The following COG5 variants were observed in gnomAD, a reference collection of about 807,000 sequenced individuals.
The protein encoded by COG5 is conserved oligomeric Golgi complex subunit 5.
Under a neutral mutation model 110.4 loss-of-function variants are expected in COG5, and 86 were observed. That is an observed-to-expected ratio of 0.78 (90% CI 0.65 to 0.93). The LOEUF (loss-of-function observed/expected upper bound fraction) is 0.93. Among genes scored for constraint, COG5 ranks in the 40% least tolerant of loss-of-function variants. The pLI, the probability that COG5 is intolerant of heterozygous loss-of-function variation, is 0.00. For synonymous variants in COG5, 360 were observed against 334.6 expected, an observed-to-expected ratio of 1.08 and a Z score of -0.83; for missense variants, 1,077 against 987.0, an observed-to-expected ratio of 1.09 and a Z score of -1.22.
chr7:107,491,191 C>G (rs1218505861), intron 6 of COG5, among the ~76,000 whole-genome samples: 1 of 152,116 alleles, frequency 6.6e-6, no homozygotes, highest in African/African-American at 2.4e-5. Context: ...TACCTTCTCT[C>G]TATCCTCTAC....
Position 107,348,485 on chromosome 7 carries a change from T to C in COG5, c.1026+13548A>G, listed in dbSNP as rs557878950. Among the ~76,000 whole-genome samples the C allele has an allele frequency of 6.6e-5, 10 of 152,316 alleles. No homozygotes were observed. In the South Asian group the frequency reaches 1.5e-3, roughly 22 times the overall value. On this transcript the variant is annotated intron_variant, in intron 10 of 21. Coordinates refer to ENST00000297135, the MANE Select transcript of COG5 (RefSeq NM_006348.5). ...AATTTCTTTAAAGGCTACAGGACTGTGGATGGCTTCTAATTCTACTTGAGC... is the reference window on the plus strand; with the variant it reads ...AATTTCTTTAAAGGCTACAGGACTGCGGATGGCTTCTAATTCTACTTGAGC...
intron 19 of COG5, among the ~76,000 whole-genome samples, chr7:107,218,748 TA>T (rs112478006): frequency 0.16 from 24,497 of 151,610 alleles, 2,346 homozygotes; most frequent in Non-Finnish European, 0.22. Context: ...CTTGAAACTG[TA>T]AAAAAAACTA....
intron 19 of COG5, among the ~76,000 whole-genome samples, chr7:107,222,783 A>T (rs1800036513): frequency 6.6e-6 from 1 of 152,238 alleles, no homozygotes; most frequent in Non-Finnish European, 1.5e-5. Flanking sequence ...GATACACCAA[A>T]TGCCACAATA....
chr7:107,490,260 G>A (rs531845884), intron 6 of COG5, among the ~76,000 whole-genome samples: 2 of 152,174 alleles, frequency 1.3e-5, no homozygotes, highest in African/African-American at 2.4e-5. Context: ...AAACCCTTGA[G>A]CTCAAGAGAG....
In COG5 at chr7:107,359,574, G is replaced by A. The variant is rs117576500; in HGVS notation, c.1026+2459C>T. Among the ~76,000 whole-genome samples the A allele has an allele frequency of 8.7e-3, 1,326 of 152,236 alleles. 8 individuals carry two copies. Among genetic ancestry groups the A allele is most frequent in the Non-Finnish European group, 0.015 (1,035 of 68,024 alleles). ...GCCTGGGGGCTGGACTGCCAGTTCT[G>A]CGGACTGGAGTGACAAGTTATGGTG... On this transcript the variant is annotated intron_variant, in intron 10 of 21. Transcript: ENST00000297135.
At chr7:107,239,717 T>A (rs1801466905) in intron 17 of COG5, among the ~76,000 whole-genome samples, 1 of 152,216 alleles carries the variant, frequency 6.6e-6, no homozygotes, top group African/African-American at 2.4e-5. Context: ...CAAGATATTT[T>A]TGATTTCTCC....
intron 6 of COG5, among the ~76,000 whole-genome samples, chr7:107,509,191 G>A (rs1019977159): frequency 6.6e-6 from 1 of 152,138 alleles, no homozygotes; most frequent in African/African-American, 2.4e-5. Flanking sequence ...CCAATGCAGA[G>A]AAGTCCTTAA....
intron 19 of COG5, among the ~76,000 whole-genome samples, chr7:107,213,537 T>C (rs1041060231): frequency 1.3e-5 from 2 of 152,210 alleles, no homozygotes; most frequent in African/African-American, 4.8e-5. Context: ...ATACACTTTG[T>C]GACGCTGCCA....
intron 6 of COG5, among the ~76,000 whole-genome samples, chr7:107,490,794 C>T (rs140900560): frequency 5.9e-5 from 9 of 152,068 alleles, no homozygotes; most frequent in African/African-American, 2.2e-4. Context: ...AAAGCCTATT[C>T]TTTCTTGTCT....
At chr7:107,210,265 T>C (rs1799067388) in intron 21 of COG5, 2 of 1,334,618 alleles carry the variant, frequency 1.5e-6, no homozygotes, top group Non-Finnish European at 1.9e-6. Context: ...TACAAATGCA[T>C]GGTCCTTAGG....
chr7:107,440,107 T>C (rs1794618426), intron 6 of COG5, among the ~76,000 whole-genome samples: 1 of 152,234 alleles, frequency 6.6e-6, no homozygotes, highest in Admixed American at 6.5e-5. Context: ...CCTCACTCAG[T>C]ATTCTCCACA....
intron 8 of COG5, among the ~76,000 whole-genome samples, chr7:107,365,548 G>A (rs1417865890): frequency 8.4e-6 from 1 of 119,132 alleles, no homozygotes; most frequent in African/African-American, 3.2e-5. Flanking sequence ...TTACAGCTGA[G>A]ATCTACAGAT....
intron 17 of COG5, among the ~76,000 whole-genome samples, chr7:107,242,659 C>T (rs1413900011): frequency 6.6e-6 from 1 of 152,218 alleles, no homozygotes; most frequent in African/African-American, 2.4e-5. Context: ...CAACAAGCTG[C>T]AGTCAACCCA....
At chr7:107,524,547 T>C (rs1800588185) in intron 6 of COG5, among the ~76,000 whole-genome samples, 1 of 152,232 alleles carries the variant, frequency 6.6e-6, no homozygotes, top group African/African-American at 2.4e-5. Context: ...AGTGTACATG[T>C]GTATAACTGT....
chr7:107,549,964 CT>C (rs1173495685), intron 3 of COG5, among the ~76,000 whole-genome samples: 1 of 152,080 alleles, frequency 6.6e-6, no homozygotes, highest in Non-Finnish European at 1.5e-5. Context: ...AAAAGATTTT[CT>C]TTATATATCT....
At chr7:107,368,276 T>G (rs1813808451) in intron 8 of COG5, among the ~76,000 whole-genome samples, 2 of 152,306 alleles carry the variant, frequency 1.3e-5, no homozygotes, top group Admixed American at 1.3e-4. Flanking sequence ...AATTTCTAAT[T>G]ATTCTGTTGA....
intron 14 of COG5, among the ~76,000 whole-genome samples, chr7:107,266,697 T>C (rs926800764): frequency 2.0e-5 from 3 of 152,174 alleles, no homozygotes; most frequent in Non-Finnish European, 4.4e-5. Context: ...TTCCCTCATC[T>C]TGGTCTAACT....
rs558379703 is a variant in COG5, at chr7:107,333,407, C to T, written c.1027-8886G>A. ...AGTAAGAAACCCTATACATGTACAA[C>T]CCTATACACACACTACAGAGCAAAA... On this transcript the variant is annotated intron_variant, in intron 10 of 21. Coordinates refer to ENST00000297135, the MANE Select transcript of COG5 (RefSeq NM_006348.5). Among the ~76,000 whole-genome samples the T allele has an allele frequency of 6.6e-5, 10 of 152,214 alleles. No homozygotes were observed. In the East Asian group the frequency reaches 1.9e-3, roughly 29 times the overall value.
chr7:107,358,181 A>C (rs1812792380), intron 10 of COG5, among the ~76,000 whole-genome samples: 1 of 152,136 alleles, frequency 6.6e-6, no homozygotes, highest in Non-Finnish European at 1.5e-5. Context: ...AACTGTTCTT[A>C]TGTTGTTTGT....
Sources: gnomAD v4.1 joint callset for allele counts (sites outside exome capture counted in the v4.1 genomes callset) on GRCh38, gnomAD v4.1.1 for gene constraint, MANE v1.5 for transcripts, NCBI Gene and HGNC (gene_info 2026-07-23, HGNC 2026-07-21) for gene names.